The following RASAL2 variants were observed in gnomAD, a reference collection of about 807,000 sequenced individuals.
The protein encoded by RASAL2 is RAS protein activator like 2, also known as ras GTPase-activating protein nGAP.
Under a neutral mutation model 128.9 loss-of-function variants are expected in RASAL2, and 58 were observed. The ratio of observed to expected loss-of-function variants is 0.45; its 90% CI spans 0.36 to 0.56. The LOEUF (loss-of-function observed/expected upper bound fraction) is 0.56. RASAL2 is among the 20% of genes least tolerant of loss of function. The pLI, the probability that RASAL2 is intolerant of heterozygous loss-of-function variation, is 0.00. For synonymous variants in RASAL2, 561 were observed against 580.8 expected, an observed-to-expected ratio of 0.97 and a Z score of 0.49; for missense variants, 1,360 against 1,601.6, an observed-to-expected ratio of 0.85 and a Z score of 2.57.
At chr1:178,411,645 T>G in intron 4 of RASAL2, 5 of 798,528 alleles carry the variant, frequency 6.3e-6, no homozygotes, top group Non-Finnish European at 1.1e-5. Flanking sequence ...ATGTATTTGG[T>G]GTCTGCCATA....
At chr1:178,121,170 A>G (rs1659704482) in intron 1 of RASAL2, 2 of 152,196 alleles carry the variant, frequency 1.3e-5, no homozygotes. Flanking sequence ...TTTTCCTTTT[A>G]CAAGATCACT....
At chr1:178,210,998 A>AAC (rs1475032803) in intron 1 of RASAL2, among the ~76,000 whole-genome samples, 14 of 152,172 alleles carry the variant, frequency 9.2e-5, no homozygotes, top group Admixed American at 7.2e-4. Context: ...CTCCCGGTCT[A>AAC]ACATGGGCTA....
intron 4 of RASAL2, among the ~76,000 whole-genome samples, chr1:178,411,227 G>T (rs1353338262): frequency 6.6e-6 from 1 of 151,688 alleles, no homozygotes; most frequent in Non-Finnish European, 1.5e-5. Flanking sequence ...AAACAAAAAG[G>T]AACGAAATAA....
At chr1:178,132,557 A>C (rs1264288961) in intron 1 of RASAL2, among the ~76,000 whole-genome samples, 1 of 152,172 alleles carries the variant, frequency 6.6e-6, no homozygotes, top group Non-Finnish European at 1.5e-5. Flanking sequence ...TATACAAAGT[A>C]GTTATTAGGT....
chr1:178,155,195 A>C (rs1661042495), intron 1 of RASAL2, among the ~76,000 whole-genome samples: 1 of 152,124 alleles, frequency 6.6e-6, no homozygotes, highest in African/African-American at 2.4e-5. Flanking sequence ...TAGGATTTTG[A>C]TTCTGTATTC....
chr1:178,195,238 A>G (rs1004584986), intron 1 of RASAL2, among the ~76,000 whole-genome samples: 6 of 152,230 alleles, frequency 3.9e-5, no homozygotes, highest in African/African-American at 9.6e-5. Context: ...GTTATATTCT[A>G]GCATACAATC....
At chr1:178,321,912 C>G (rs1053229235) in intron 3 of RASAL2, among the ~76,000 whole-genome samples, 5 of 151,550 alleles carry the variant, frequency 3.3e-5, no homozygotes, top group Non-Finnish European at 7.4e-5. Context: ...TGCTTGAACC[C>G]AGAAGGTGGA....
At chr1:178,354,523 T>C (rs887662932) in intron 3 of RASAL2, among the ~76,000 whole-genome samples, 1 of 152,180 alleles carries the variant, frequency 6.6e-6, no homozygotes, top group Non-Finnish European at 1.5e-5. Context: ...TCTCAATCAA[T>C]ACAAGAAAAT....
At chr1:178,381,979 G>A (rs1468647945) in intron 3 of RASAL2, among the ~76,000 whole-genome samples, 2 of 152,018 alleles carry the variant, frequency 1.3e-5, no homozygotes, top group African/African-American at 4.8e-5. Flanking sequence ...ATAAATAATT[G>A]GACTGACATG....
rs112013209 is a variant in RASAL2 at position 178,437,079 on chromosome 1, C to G, written c.675-2343C>G. Among the ~76,000 whole-genome samples, 621 of 152,238 alleles carry G rather than the reference C, an allele frequency of 4.1e-3. 3 individuals carry two copies. Among genetic ancestry groups the G allele is most frequent in the African/African-American group, 0.014 (565 of 41,570 alleles). Reference sequence around the variant, plus strand: ...CTTCTTGCTGCCTTCCAGCTCTAATCTCCTTATAGGTGTAGCACCATGGCA... The same window carrying G: ...CTTCTTGCTGCCTTCCAGCTCTAATGTCCTTATAGGTGTAGCACCATGGCA... On this transcript the variant is annotated intron_variant, in intron 5 of 17. Coordinates refer to ENST00000367649, the MANE Select transcript of RASAL2 (RefSeq NM_170692.4).
At chr1:178,437,730 A>T (rs1676346504) in intron 5 of RASAL2, among the ~76,000 whole-genome samples, 1 of 152,068 alleles carries the variant, frequency 6.6e-6, no homozygotes, top group African/African-American at 2.4e-5. Flanking sequence ...CCCGTGTAGC[A>T]TATTGGGAAA....
intron 1 of RASAL2, among the ~76,000 whole-genome samples, chr1:178,230,333 AG>A (rs1287841854): frequency 6.6e-6 from 1 of 152,234 alleles, no homozygotes; most frequent in East Asian, 1.9e-4. Context: ...GCTGGTTCAT[AG>A]GGCAGATGTA....
In RASAL2 at chr1:178,475,374, GT is replaced by G. The variant is rs1245473502; in HGVS notation, c.*2136del. 6.6e-6 allele frequency: 1 copy of G among 152,184 alleles called. No homozygotes were observed. Among genetic ancestry groups the G allele is most frequent in the African/African-American group, 2.4e-5 (1 of 41,440 alleles). 9.4% of individuals were successfully genotyped at this position (152,184 alleles called of 1,614,324 possible). A position where few individuals can be genotyped will look rare whatever the true frequency, so the allele number is the denominator to read the frequency against. Reference sequence around the variant, plus strand: ...TCACTTATTTTATTAGGAAAAAGAGGTAACTGTTCCAAAGTGTAGTGTCCTT... The same window carrying G: ...TCACTTATTTTATTAGGAAAAAGAGGAACTGTTCCAAAGTGTAGTGTCCTT... On this transcript the variant is annotated 3_prime_UTR_variant, in exon 18 of 18. Coordinates refer to ENST00000367649, the MANE Select transcript of RASAL2 (RefSeq NM_170692.4).
intron 1 of RASAL2, among the ~76,000 whole-genome samples, chr1:178,156,825 A>G (rs1250466779): frequency 6.6e-6 from 1 of 152,194 alleles, no homozygotes; most frequent in African/African-American, 2.4e-5. Flanking sequence ...TTAGGTACAT[A>G]ATACTCATTA....
chr1:178,285,740 CT>C (rs1224507847), intron 2 of RASAL2, among the ~76,000 whole-genome samples: 1 of 152,146 alleles, frequency 6.6e-6, no homozygotes, highest in Non-Finnish European at 1.5e-5. Context: ...TGTCAGCAGT[CT>C]TTTCTCAGAG....
chr1:178,353,060 C>T (rs919607345), intron 3 of RASAL2, among the ~76,000 whole-genome samples: 2 of 152,228 alleles, frequency 1.3e-5, no homozygotes, highest in Non-Finnish European at 2.9e-5. Context: ...AAGGCCTTTT[C>T]CCTAGTGTCT....
chr1:178,319,592 C>T (rs1260843833), intron 3 of RASAL2, among the ~76,000 whole-genome samples: 1 of 147,200 alleles, frequency 6.8e-6, no homozygotes, highest in Non-Finnish European at 1.5e-5. Context: ...GTATCGGCTC[C>T]TGAGGCTTCT....
At chr1:178,373,984 G>C (rs889068679) in intron 3 of RASAL2, among the ~76,000 whole-genome samples, 17 of 152,166 alleles carry the variant, frequency 1.1e-4, no homozygotes, top group Admixed American at 7.9e-4. Context: ...AGGTAAGTTA[G>C]AGTCCTGATT....
intron 1 of RASAL2, among the ~76,000 whole-genome samples, chr1:178,153,738 C>G (rs1660987174): frequency 6.6e-6 from 1 of 152,040 alleles, no homozygotes; most frequent in South Asian, 2.1e-4. Context: ...CTACTGTAAA[C>G]TTTGGTGTAC....
Sources: allele counts gnomAD v4.1 joint callset (sites outside exome capture counted in the v4.1 genomes callset), GRCh38; gene constraint gnomAD v4.1.1; transcripts MANE v1.5; gene names NCBI Gene and HGNC (gene_info 2026-07-23, HGNC 2026-07-21).